Variants in MSRA observed in about 807,000 individuals in gnomAD.
The protein encoded by MSRA is mitochondrial peptide methionine sulfoxide reductase.
A neutral mutation model predicts 31.3 loss-of-function variants in MSRA; 54 were observed. The ratio of observed to expected loss-of-function variants is 1.73; its 90% CI spans 1.39 to 2.17. The LOEUF is 2.17. Among genes scored for constraint, MSRA ranks in the 30% most tolerant of loss-of-function variants. MSRA has a pLI of 0.00. For synonymous variants in MSRA, 169 were observed against 116.5 expected, an observed-to-expected ratio of 1.45 and a Z score of -2.90; for missense variants, 507 against 300.9, an observed-to-expected ratio of 1.69 and a Z score of -5.07.
At chr8:10,197,452 A>C (rs1808089206) in intron 1 of MSRA, among the ~76,000 whole-genome samples, 1 of 152,182 alleles carries the variant, frequency 6.6e-6, no homozygotes, top group African/African-American at 2.4e-5. Context: ...ACACAGAGGC[A>C]TGTGTTGACG....
intron 3 of MSRA, among the ~76,000 whole-genome samples, chr8:10,248,213 C>G (rs1389035237): frequency 6.6e-6 from 1 of 152,200 alleles, no homozygotes; most frequent in Non-Finnish European, 1.5e-5. Context: ...AAACTTTGAT[C>G]ACAATCCGTG....
At chr8:10,072,040 G>T (rs1464737328) in intron 1 of MSRA, among the ~76,000 whole-genome samples, 4 of 149,778 alleles carry the variant, frequency 2.7e-5, no homozygotes, top group African/African-American at 9.9e-5. Context: ...GCAACTAAGG[G>T]ACCCTGTTTC....
At chr8:10,219,846 G>A (rs1238340265) in intron 2 of MSRA, among the ~76,000 whole-genome samples, 2 of 140,628 alleles carry the variant, frequency 1.4e-5, no homozygotes, top group Non-Finnish European at 3.0e-5. Context: ...GTTAGGTCCA[G>A]TACAATGTAC....
At chr8:10,083,044 T>C (rs1328850199) in intron 1 of MSRA, among the ~76,000 whole-genome samples, 1 of 152,246 alleles carries the variant, frequency 6.6e-6, no homozygotes, top group Non-Finnish European at 1.5e-5. Context: ...GGGGTGCATT[T>C]ATCAAGAATT....
At chr8:10,067,459 T>A (rs1456914784) in intron 1 of MSRA, among the ~76,000 whole-genome samples, 1 of 152,248 alleles carries the variant, frequency 6.6e-6, no homozygotes, top group East Asian at 1.9e-4. Context: ...GATCTATAAT[T>A]GTTTTGGCAG....
chr8:10,213,480 A>C (rs1809704934), intron 2 of MSRA, among the ~76,000 whole-genome samples: 1 of 109,378 alleles, frequency 9.1e-6, no homozygotes, highest in African/African-American at 3.7e-5. Flanking sequence ...GCCCTCACCC[A>C]GGCTGGAGTG....
At chr8:10,389,278 C>T (rs1488361064) in intron 5 of MSRA, among the ~76,000 whole-genome samples, 2 of 152,112 alleles carry the variant, frequency 1.3e-5, no homozygotes, top group South Asian at 4.2e-4. Flanking sequence ...GAGTCATCTT[C>T]CGAATGGAGG....
intron 1 of MSRA, among the ~76,000 whole-genome samples, chr8:10,158,939 T>G (rs758744537): frequency 1.3e-5 from 2 of 152,234 alleles, no homozygotes; most frequent in Non-Finnish European, 2.9e-5. Context: ...TGAAATGTTA[T>G]CTCATTGTAA....
chr8:10,366,647 C>T (rs1435731928), intron 5 of MSRA, among the ~76,000 whole-genome samples: 1 of 152,188 alleles, frequency 6.6e-6, no homozygotes, highest in African/African-American at 2.4e-5. Flanking sequence ...CCCGCATCCC[C>T]TGCTTGTACC....
intron 5 of MSRA, among the ~76,000 whole-genome samples, chr8:10,329,858 C>T (rs1238686840): frequency 6.6e-6 from 1 of 151,738 alleles, no homozygotes; most frequent in Non-Finnish European, 1.5e-5. Flanking sequence ...TGAAAATTTG[C>T]AAAAGTTTAT....
intron 5 of MSRA, chr8:10,336,973 C>T (rs1803088112): frequency 6.6e-6 from 1 of 152,306 alleles, no homozygotes; most frequent in South Asian, 2.1e-4. Flanking sequence ...TACCTGGCCA[C>T]AAGGCTGCCA....
Position 10,220,048 on chromosome 8 carries a change from G to A in MSRA, c.211+12147G>A, listed in dbSNP as rs186914065. On this transcript the variant is annotated intron_variant, in intron 2 of 5. Coordinates refer to ENST00000317173, the MANE Select transcript of MSRA (RefSeq NM_012331.5). ...CAGACGTTTAGCTTGGCATACCTTA[G>A]GCCCAAGTAGTGTGAACAGTGATGC... Among the ~76,000 whole-genome samples, 3 of 152,120 alleles carry A rather than the reference G, an allele frequency of 2.0e-5. No individual in the cohort carries two copies. The East Asian group carries it at 5.8e-4, about 30-fold the overall frequency.
At chr8:10,300,443 A>T (rs989377797) in intron 3 of MSRA, among the ~76,000 whole-genome samples, 15 of 151,900 alleles carry the variant, frequency 9.9e-5, no homozygotes, top group Non-Finnish European at 4.4e-5. Context: ...TTTAGTGGAG[A>T]CGGGGTTACA....
intron 5 of MSRA, among the ~76,000 whole-genome samples, chr8:10,360,915 G>T (rs933665421): frequency 1.3e-5 from 2 of 152,122 alleles, no homozygotes; most frequent in South Asian, 4.1e-4. Context: ...AACATACTTG[G>T]GCAAGCCTGT....
intron 5 of MSRA, among the ~76,000 whole-genome samples, chr8:10,343,577 A>T (rs756985875): frequency 6.6e-6 from 1 of 152,146 alleles, no homozygotes; most frequent in Non-Finnish European, 1.5e-5. Context: ...TGTCTCCTAC[A>T]TCAGTTCATG....
intron 3 of MSRA, among the ~76,000 whole-genome samples, chr8:10,268,436 G>A (rs1283685890): frequency 6.6e-6 from 1 of 152,154 alleles, no homozygotes; most frequent in African/African-American, 2.4e-5. Context: ...CATGGCACCT[G>A]AACTTCTACT....
Position 10,330,733 on chromosome 8 carries a change from C to G in MSRA, c.543+10744C>G, listed in dbSNP as rs181436299. On this transcript the variant is annotated intron_variant, in intron 5 of 5. Coordinates refer to ENST00000317173, the MANE Select transcript of MSRA (RefSeq NM_012331.5). ...TAAGCTTATAGGAGGCTTCCATTCA[C>G]CTGTGTGTCCCCAGTGCCTGGTGCT... Among the ~76,000 whole-genome samples, 5 of 152,336 alleles carry G rather than the reference C, an allele frequency of 3.3e-5. No individual in the cohort carries two copies. In the East Asian group the frequency reaches 9.6e-4, roughly 29 times the overall value.
At chr8:10,217,988 C>T (rs534043306) in intron 2 of MSRA, among the ~76,000 whole-genome samples, 12 of 152,002 alleles carry the variant, frequency 7.9e-5, no homozygotes, top group Admixed American at 2.6e-4. Flanking sequence ...TTCCTTTAGT[C>T]TTGACCGAAC....
intron 1 of MSRA, among the ~76,000 whole-genome samples, chr8:10,138,419 G>T (rs537901491): frequency 6.6e-6 from 1 of 152,184 alleles, no homozygotes; most frequent in Non-Finnish European, 1.5e-5. Flanking sequence ...CTGCAACTTC[G>T]ATGTTGAGCA....
Sources: gnomAD v4.1 joint callset for allele counts (sites outside exome capture counted in the v4.1 genomes callset) on GRCh38, gnomAD v4.1.1 for gene constraint, MANE v1.5 for transcripts, NCBI Gene and HGNC (gene_info 2026-07-23, HGNC 2026-07-21) for gene names.